TOX3: variants seen among roughly 807,000 people sequenced by gnomAD.
TOX3 encodes the protein CAG trinucleotide repeat-containing gene F9 protein.
TOX3 carries 22 observed loss-of-function variants against 64.3 expected under a neutral mutation model. That is an observed-to-expected ratio of 0.34 (90% CI 0.24 to 0.49). TOX3 has a LOEUF of 0.49. Among genes scored for constraint, TOX3 ranks in the 20% least tolerant of loss-of-function variants. The pLI is 0.99. For synonymous variants in TOX3, 291 were observed against 273.6 expected (o/e 1.06, Z -0.63); for missense variants, 661 against 714.4 (o/e 0.93, Z 0.85).
chr16:52,544,609 A>C (rs533738671), intron 1 of TOX3, among the ~76,000 whole-genome samples: 1 of 152,406 alleles, frequency 6.6e-6, no homozygotes, highest in East Asian at 1.9e-4. Context: ...TAGCTGCATT[A>C]AGAAAATACG....
chr16:52,499,129 G>A (rs1007987138), intron 1 of TOX3, among the ~76,000 whole-genome samples: 2 of 152,088 alleles, frequency 1.3e-5, no homozygotes, highest in African/African-American at 4.8e-5. Flanking sequence ...ATAACACAAA[G>A]CTACTAATAT....
chr16:52,467,593 T>A (rs1394141228), intron 2 of TOX3, among the ~76,000 whole-genome samples: 1 of 152,006 alleles, frequency 6.6e-6, no homozygotes, highest in Non-Finnish European at 1.5e-5. Context: ...AAATGAGGAC[T>A]TTATATTACA....
intron 1 of TOX3, among the ~76,000 whole-genome samples, chr16:52,516,703 A>C (rs1962467082): frequency 6.6e-6 from 1 of 152,218 alleles, no homozygotes; most frequent in Non-Finnish European, 1.5e-5. Flanking sequence ...GATATAAATG[A>C]ATATGCATAT....
chr16:52,444,499 G>GCACACA (rs200173557), intron 5 of TOX3, 143 bp from the exon 6 acceptor site: 72,404 of 376,938 alleles, frequency 0.19, 5,150 homozygotes, highest in Non-Finnish European at 0.21. Flanking sequence ...GTTAGCGCAT[G>GCACACA]CACACACACA....
intron 1 of TOX3, among the ~76,000 whole-genome samples, chr16:52,508,441 C>T (rs150028363): frequency 6.6e-6 from 1 of 152,218 alleles, no homozygotes; most frequent in African/African-American, 2.4e-5. Flanking sequence ...ATACTCAGAC[C>T]ATGGAATACT....
At chr16:52,520,588 G>A (rs935608789) in intron 1 of TOX3, among the ~76,000 whole-genome samples, 3 of 152,204 alleles carry the variant, frequency 2.0e-5, no homozygotes, top group Non-Finnish European at 4.4e-5. Flanking sequence ...CTTAGGGCCA[G>A]ATGTATTTTA....
At chr16:52,530,427 C>T (rs1269055161) in intron 1 of TOX3, among the ~76,000 whole-genome samples, 2 of 151,982 alleles carry the variant, frequency 1.3e-5, no homozygotes, top group Non-Finnish European at 2.9e-5. Context: ...ACCTCCGCCT[C>T]CCAGGTTCAA....
intron 4 of TOX3, among the ~76,000 whole-genome samples, chr16:52,446,465 T>C (rs1262359825): frequency 6.6e-6 from 1 of 152,162 alleles, no homozygotes; most frequent in Non-Finnish European, 1.5e-5. Flanking sequence ...ATGCTCGAAA[T>C]AGCAATTATG....
At chr16:52,451,519 G>A (rs1960346340) in intron 3 of TOX3, among the ~76,000 whole-genome samples, 1 of 152,022 alleles carries the variant, frequency 6.6e-6, no homozygotes, top group South Asian at 2.1e-4. Flanking sequence ...TTTAAGACAT[G>A]TCATTTGGAG....
intron 1 of TOX3, chr16:52,519,458 C>T (rs1238736466): frequency 1.3e-6 from 2 of 1,551,374 alleles, no homozygotes; most frequent in African/African-American, 1.4e-5. Flanking sequence ...GCGCCTGGCT[C>T]CCGAGCGAGG....
intron 3 of TOX3, among the ~76,000 whole-genome samples, chr16:52,459,854 C>T (rs1960635416): frequency 6.6e-6 from 1 of 151,836 alleles, no homozygotes. Context: ...AAGTCATTTT[C>T]TTAAAAATAA....
chr16:52,456,066 AAG>A (rs1305000575), intron 3 of TOX3, among the ~76,000 whole-genome samples: 5 of 152,222 alleles, frequency 3.3e-5, no homozygotes, highest in African/African-American at 1.2e-4. Context: ...CTGGGCCAGG[AAG>A]AGCATAGCTG....
chr16:52,465,801 G>A (rs1450975118), intron 2 of TOX3, among the ~76,000 whole-genome samples: 10 of 152,116 alleles, frequency 6.6e-5, no homozygotes, highest in Non-Finnish European at 7.4e-5. Flanking sequence ...AAGAGGTCAC[G>A]AGCTATGGCA....
chr16:52,473,042 T>C (rs1165436956), intron 1 of TOX3, among the ~76,000 whole-genome samples: 1 of 152,292 alleles, frequency 6.6e-6, no homozygotes, highest in East Asian at 1.9e-4. Context: ...AGGATGTCAA[T>C]TAAAAAGGAG....
At chr16:52,511,012 G>A (rs915703025) in intron 1 of TOX3, among the ~76,000 whole-genome samples, 1 of 152,042 alleles carries the variant, frequency 6.6e-6, no homozygotes, top group Non-Finnish European at 1.5e-5. Flanking sequence ...TGGAACTTGT[G>A]GTTCCCAGAA....
chr16:52,453,138 G>T (rs766373791), intron 3 of TOX3, among the ~76,000 whole-genome samples: 1 of 150,628 alleles, frequency 6.6e-6, no homozygotes, highest in African/African-American at 2.4e-5. Flanking sequence ...TGGTAATTAC[G>T]CCATCTAGCT....
chr16:52,473,241 G>A (rs575680913), intron 1 of TOX3, among the ~76,000 whole-genome samples: 72 of 151,988 alleles, frequency 4.7e-4, no homozygotes, highest in Non-Finnish European at 8.1e-4. Flanking sequence ...AGCTTGATGC[G>A]TCCACACAAC....
intron 1 of TOX3, among the ~76,000 whole-genome samples, chr16:52,495,438 C>T (rs1207395193): frequency 6.6e-6 from 1 of 152,104 alleles, no homozygotes; most frequent in East Asian, 1.9e-4. Flanking sequence ...TCTCACCAGG[C>T]CTAAAGTGTG....
intron 1 of TOX3, among the ~76,000 whole-genome samples, chr16:52,518,992 A>T (rs1001994996): frequency 6.6e-6 from 1 of 152,234 alleles, no homozygotes; most frequent in Non-Finnish European, 1.5e-5. Flanking sequence ...CTGGATTTAG[A>T]GGCTGTTAGA....
Sources: gnomAD v4.1 joint callset for allele counts (sites outside exome capture counted in the v4.1 genomes callset) on GRCh38, gnomAD v4.1.1 for gene constraint, MANE v1.5 for transcripts, NCBI Gene and HGNC (gene_info 2026-07-23, HGNC 2026-07-21) for gene names.